Variants in CCDC149 observed in about 807,000 individuals in gnomAD.
CCDC149 encodes coiled-coil domain-containing protein 149.
A neutral mutation model predicts 59.9 loss-of-function variants in CCDC149; 45 were observed. The ratio of observed to expected loss-of-function variants is 0.75; its 90% CI spans 0.59 to 0.96. The LOEUF is 0.96. CCDC149 is among the 40% of genes least tolerant of loss of function. CCDC149 has a pLI of 0.00. For synonymous variants in CCDC149, 245 were observed against 260.6 expected, an observed-to-expected ratio of 0.94 and a Z score of 0.58; for missense variants, 584 against 664.7, an observed-to-expected ratio of 0.88 and a Z score of 1.33.
chr4:24,839,942 G>A (rs1716834676), intron 4 of CCDC149, among the ~76,000 whole-genome samples: 1 of 152,190 alleles, frequency 6.6e-6, no homozygotes, highest in Non-Finnish European at 1.5e-5. Context: ...GCCCGTGGGG[G>A]ACAATCTCTT....
chr4:24,822,536 A>AT lies in CCDC149; in HGVS notation c.1002dup (p.Leu335IlefsTer39), dbSNP rs1478034807. On this transcript the variant is annotated frameshift_variant, in exon 10 of 13. Transcript: ENST00000635206. LOFTEE classifies it high-confidence loss of function. ...AAACCAGAAACTTCCAGAGTTCTTA[A>AT]TTTTTTTTCCAGCTCAGCCACCCGA... 7 of 1,538,186 alleles carry AT rather than the reference A, an allele frequency of 4.6e-6. No homozygotes were observed. The highest frequency in any genetic ancestry group is 2.8e-5 in the African/African-American group (2 of 72,014).
intron 2 of CCDC149, among the ~76,000 whole-genome samples, chr4:24,874,962 T>C (rs1719317271): frequency 6.6e-6 from 1 of 152,156 alleles, no homozygotes; most frequent in African/African-American, 2.4e-5. Context: ...CGAGAAAGGT[T>C]ACAAAAATTA....
intron 1 of CCDC149, among the ~76,000 whole-genome samples, chr4:24,910,209 A>G (rs898481378): frequency 2.6e-5 from 4 of 152,164 alleles, no homozygotes; most frequent in Admixed American, 2.6e-4. Flanking sequence ...CTTTGTCTTC[A>G]CATGGTCTTC....
upstream of CCDC149, among the ~76,000 whole-genome samples, chr4:24,917,841 C>A (rs1490490609): frequency 6.6e-6 from 1 of 152,068 alleles, no homozygotes; most frequent in African/African-American, 2.4e-5. Context: ...TGATTCAGCA[C>A]AAATTTGATG....
intron 1 of CCDC149, among the ~76,000 whole-genome samples, chr4:24,888,333 G>C (rs1213389832): frequency 6.6e-6 from 1 of 151,808 alleles, no homozygotes; most frequent in African/African-American, 2.4e-5. Context: ...TTATTATTAG[G>C]CCTAAATGTC....
At chr4:24,906,868 G>A (rs933092770) in intron 1 of CCDC149, among the ~76,000 whole-genome samples, 6 of 152,146 alleles carry the variant, frequency 3.9e-5, no homozygotes, top group African/African-American at 1.2e-4. Flanking sequence ...GGATGAGGGA[G>A]GACACAACAG....
chr4:24,851,506 G>T (rs1577409886), intron 4 of CCDC149, among the ~76,000 whole-genome samples: 1 of 152,240 alleles, frequency 6.6e-6, no homozygotes, highest in Admixed American at 6.5e-5. Flanking sequence ...CAAAAGAATT[G>T]AAAGTGACCA....
intron 1 of CCDC149, among the ~76,000 whole-genome samples, chr4:24,912,522 TG>T (rs1721933810): frequency 6.6e-6 from 1 of 152,038 alleles, no homozygotes; most frequent in Non-Finnish European, 1.5e-5. Flanking sequence ...TGGCACCTTC[TG>T]CTCCCGGATC....
At chr4:24,805,394 C>T (rs1298695009), downstream of CCDC149, among the ~76,000 whole-genome samples, 2 of 152,282 alleles carry the variant, frequency 1.3e-5, no homozygotes, top group South Asian at 2.1e-4. Context: ...CAACCATAGC[C>T]CCTCCCCTTA....
Position 24,908,611 on chromosome 4 carries a change from A to T in CCDC149, c.63+4206T>A, listed in dbSNP as rs1265378051. Among the ~76,000 whole-genome samples, 3 of 151,918 alleles carry T rather than the reference A, an allele frequency of 2.0e-5. No individual in the cohort carries two copies. In the East Asian group the frequency reaches 5.8e-4, roughly 29 times the overall value. ...GCTACTCAGGAGGCTGAAGCAGGAG[A>T]ATCCCTTGGGCCCAGGAGATGGAGG... On this transcript the variant is annotated intron_variant, in intron 1 of 12. Coordinates refer to ENST00000635206, the MANE Select transcript of CCDC149 (RefSeq NM_001330643.2).
chr4:24,883,384 T>C (rs941265806), intron 1 of CCDC149, among the ~76,000 whole-genome samples: 1 of 148,720 alleles, frequency 6.7e-6, no homozygotes, highest in Non-Finnish European at 1.5e-5. Flanking sequence ...TGAAAACTAC[T>C]GTTCTCTAAT....
chr4:24,877,796 C>T (rs1577441131), intron 1 of CCDC149, among the ~76,000 whole-genome samples: 1 of 152,182 alleles, frequency 6.6e-6, no homozygotes, highest in East Asian at 1.9e-4. Context: ...CCTCTGCTCA[C>T]TCTCCTGCAC....
At position 24,955,433 on chromosome 4, in the gene CCDC149, A is replaced by G. The variant is rs140412302; in HGVS notation, c.-65+24636T>C. On this transcript the variant is annotated intron_variant, in intron 1 of 12. Coordinates refer to the CCDC149 transcript ENST00000389609. Reference sequence around the variant, plus strand: ...AACACGTGAATTTTGGAGAGGACACATTAAAACCATAGCAATGAGGAAATA... The same window carrying G: ...AACACGTGAATTTTGGAGAGGACACGTTAAAACCATAGCAATGAGGAAATA... Among the ~76,000 whole-genome samples the G allele has an allele frequency of 3.5e-4, 54 of 152,350 alleles. No homozygotes were observed. The Middle Eastern group carries it at 0.014, about 38-fold the overall frequency.
chr4:24,896,445 G>A (rs992875100), intron 1 of CCDC149, among the ~76,000 whole-genome samples: 1 of 152,200 alleles, frequency 6.6e-6, no homozygotes, highest in African/African-American at 2.4e-5. Flanking sequence ...GAAATTGCAT[G>A]AGAGTCAACC....
intron 1 of CCDC149, among the ~76,000 whole-genome samples, chr4:24,924,677 G>A (rs1344246211): frequency 6.6e-6 from 1 of 152,184 alleles, no homozygotes; most frequent in Non-Finnish European, 1.5e-5. Flanking sequence ...GCGCCATGGA[G>A]TTGCAAGAAT....
At chr4:24,954,843 A>T (rs995776269) in intron 1 of CCDC149, among the ~76,000 whole-genome samples, 1 of 152,220 alleles carries the variant, frequency 6.6e-6, no homozygotes, top group East Asian at 1.9e-4. Flanking sequence ...TACTGATCTT[A>T]TCAAATGGTT....
intron 4 of CCDC149, among the ~76,000 whole-genome samples, chr4:24,852,820 A>G (rs1717748313): frequency 6.6e-6 from 1 of 152,200 alleles, no homozygotes; most frequent in South Asian, 2.1e-4. Context: ...TAAGTTGAAC[A>G]TAATGAAACT....
At chr4:24,928,936 A>C (rs2109340694) in intron 1 of CCDC149, among the ~76,000 whole-genome samples, 1 of 152,300 alleles carries the variant, frequency 6.6e-6, no homozygotes. Flanking sequence ...AACTGAAATG[A>C]TCTTGCATTA....
chr4:24,867,612 A>T (rs1055891462), intron 3 of CCDC149, among the ~76,000 whole-genome samples: 2 of 152,274 alleles, frequency 1.3e-5, no homozygotes, highest in African/African-American at 4.8e-5. Flanking sequence ...AAGGATCTAT[A>T]GAATGGCTGT....
Sources: gnomAD v4.1 joint callset for allele counts (sites outside exome capture counted in the v4.1 genomes callset) on GRCh38, gnomAD v4.1.1 for gene constraint, MANE v1.5 for transcripts, NCBI Gene and HGNC (gene_info 2026-07-23, HGNC 2026-07-21) for gene names.